The following DPP10 variants were observed in gnomAD, a reference collection of about 807,000 sequenced individuals.
DPP10 encodes the protein inactive dipeptidyl peptidase 10.
In DPP10, 33 loss-of-function variants were observed where a neutral mutation model predicts 120.9. The observed-to-expected ratio is 0.27, with a 90% CI of 0.21 to 0.37. The LOEUF is 0.37. DPP10 is among the 10% of genes least tolerant of loss of function. DPP10 has a pLI of 1.00. For synonymous variants in DPP10, 337 were observed against 326.1 expected, an observed-to-expected ratio of 1.03 and a Z score of -0.36; for missense variants, 816 against 942.8, an observed-to-expected ratio of 0.87 and a Z score of 1.76.
intron 5 of DPP10, among the ~76,000 whole-genome samples, chr2:115,596,480 AACAC>A (rs1223022632): frequency 2.6e-5 from 4 of 152,152 alleles, no homozygotes; most frequent in African/African-American, 9.6e-5. Context: ...AATGTGTATA[AACAC>A]ACAGACATAC....
intron 1 of DPP10, among the ~76,000 whole-genome samples, chr2:115,266,355 T>G (rs2059461731): frequency 6.6e-6 from 1 of 152,218 alleles, no homozygotes; most frequent in South Asian, 2.1e-4. Context: ...ATATGCACCA[T>G]GGTCACCTAC....
At chr2:114,948,951 G>T (rs1222838343) in intron 1 of DPP10, among the ~76,000 whole-genome samples, 2 of 151,402 alleles carry the variant, frequency 1.3e-5, no homozygotes, top group Admixed American at 6.6e-5. Flanking sequence ...TTGAGAGGGA[G>T]TCTTGCTCTG....
At chr2:114,705,999 G>A (rs1292561906) in intron 1 of DPP10, among the ~76,000 whole-genome samples, 2 of 152,194 alleles carry the variant, frequency 1.3e-5, no homozygotes, top group African/African-American at 2.4e-5. Flanking sequence ...GGAGGAGAGA[G>A]TGTCATTGTT....
intron 8 of DPP10, among the ~76,000 whole-genome samples, chr2:115,737,064 G>C (rs558865758): frequency 6.6e-6 from 1 of 152,046 alleles, no homozygotes; most frequent in African/African-American, 2.4e-5. Flanking sequence ...TTGTCTTTCA[G>C]TGCCACTCCT....
intron 1 of DPP10, among the ~76,000 whole-genome samples, chr2:114,497,140 T>A (rs1351693808): frequency 7.0e-6 from 1 of 142,284 alleles, no homozygotes; most frequent in East Asian, 2.0e-4. Flanking sequence ...CATGTAGGTA[T>A]ACACGTGTAT....
chr2:115,526,889 G>A (rs1469019839), intron 5 of DPP10, among the ~76,000 whole-genome samples: 2 of 152,132 alleles, frequency 1.3e-5, no homozygotes, highest in East Asian at 3.9e-4. Flanking sequence ...GTAAAAGACA[G>A]AGGGATTTTA....
chr2:114,882,667 C>T (rs1434239844), intron 1 of DPP10, among the ~76,000 whole-genome samples: 1 of 151,754 alleles, frequency 6.6e-6, no homozygotes, highest in African/African-American at 2.4e-5. Context: ...CCCCTGTACC[C>T]CAAAAACAAT....
intron 1 of DPP10, among the ~76,000 whole-genome samples, chr2:114,480,407 G>T (rs1573451016): frequency 1.3e-5 from 2 of 152,134 alleles, no homozygotes; most frequent in African/African-American, 4.8e-5. Context: ...ACATGCACAC[G>T]TATGTTTATT....
In DPP10 at chr2:114,781,722, T is replaced by C. The variant is rs545682483; in HGVS notation, c.60+338884T>C. Among the ~76,000 whole-genome samples the C allele has an allele frequency of 2.6e-5, 4 of 152,102 alleles. No individual in the cohort carries two copies. The East Asian group carries it at 5.8e-4, about 22-fold the overall frequency. ...TGGGGGAGCATCTTGAGAAAGACAA[T>C]GATCTTTTTCAAAAGGGCCAAGCCT... On this transcript the variant is annotated intron_variant, in intron 1 of 25. Transcript: ENST00000410059.
intron 1 of DPP10, among the ~76,000 whole-genome samples, chr2:114,793,134 T>G (rs1558746892): frequency 1.3e-5 from 2 of 152,076 alleles, no homozygotes; most frequent in Non-Finnish European, 2.9e-5. Flanking sequence ...ATTCCCTTAA[T>G]TTTTTTATGT....
chr2:114,499,747 T>C (rs1682997996), intron 1 of DPP10, among the ~76,000 whole-genome samples: 1 of 152,172 alleles, frequency 6.6e-6, no homozygotes, highest in Admixed American at 6.5e-5. Flanking sequence ...GAAGGACTTC[T>C]GAAAAAGTAG....
intron 1 of DPP10, among the ~76,000 whole-genome samples, chr2:115,215,838 A>G (rs1230921776): frequency 1.3e-5 from 2 of 152,206 alleles, no homozygotes; most frequent in African/African-American, 4.8e-5. Context: ...TCATGGTATC[A>G]AAAACACCTC....
At chr2:114,680,086 C>T (rs1418325808) in intron 1 of DPP10, among the ~76,000 whole-genome samples, 3 of 151,880 alleles carry the variant, frequency 2.0e-5, no homozygotes, top group African/African-American at 7.2e-5. Context: ...TTTATAGAAT[C>T]GTCTCTTGAG....
At chr2:115,588,047 T>C (rs968381130) in intron 5 of DPP10, among the ~76,000 whole-genome samples, 3 of 152,216 alleles carry the variant, frequency 2.0e-5, no homozygotes, top group Non-Finnish European at 2.9e-5. Flanking sequence ...TAAAAACTTA[T>C]GTAAAAAATC....
At chr2:114,792,503 T>A (rs1683342088) in intron 1 of DPP10, among the ~76,000 whole-genome samples, 1 of 152,236 alleles carries the variant, frequency 6.6e-6, no homozygotes, top group Admixed American at 6.5e-5. Flanking sequence ...GAGTCGGATA[T>A]CTTCAAGCCT....
rs1228193619 is a variant in DPP10 at position 115,725,928 on chromosome 2, C to G, written c.577-1888C>G. On this transcript the variant is annotated intron_variant, in intron 7 of 25. Coordinates refer to ENST00000410059, the MANE Select transcript of DPP10 (RefSeq NM_020868.6). ...CTAGAACAAAGTTCATATTTTTTCT[C>G]AGTTATCAGGGGTCGTGAAAGTCAT... is the stretch of plus-strand genomic sequence containing the variant. Among the ~76,000 whole-genome samples, 6 of 152,132 alleles carry G rather than the reference C, an allele frequency of 3.9e-5. No homozygotes were observed. In the East Asian group the frequency reaches 7.7e-4, roughly 20 times the overall value.
intron 1 of DPP10, among the ~76,000 whole-genome samples, chr2:114,628,163 T>C (rs1394875058): frequency 2.6e-5 from 4 of 152,150 alleles, no homozygotes; most frequent in South Asian, 4.1e-4. Context: ...ATTATTTTCT[T>C]ATACTGGGCC....
At chr2:115,533,411 G>A (rs2078594642) in intron 5 of DPP10, among the ~76,000 whole-genome samples, 1 of 152,052 alleles carries the variant, frequency 6.6e-6, no homozygotes, top group Non-Finnish European at 1.5e-5. Context: ...ACAGTTAGAT[G>A]CATTCATTTC....
At chr2:115,116,378 A>G (rs1015370637) in intron 1 of DPP10, among the ~76,000 whole-genome samples, 1 of 152,192 alleles carries the variant, frequency 6.6e-6, no homozygotes, top group Admixed American at 6.5e-5. Context: ...ATTTTCATCT[A>G]TAACCTCTAT....
Sources: gnomAD v4.1 joint callset for allele counts (sites outside exome capture counted in the v4.1 genomes callset) on GRCh38, gnomAD v4.1.1 for gene constraint, MANE v1.5 for transcripts, NCBI Gene and HGNC (gene_info 2026-07-23, HGNC 2026-07-21) for gene names.